SIPA1L3: variants seen among roughly 807,000 people sequenced by gnomAD.
SIPA1L3 encodes signal-induced proliferation-associated 1-like protein 3.
In SIPA1L3, 59 loss-of-function variants were observed where a neutral mutation model predicts 150.1. The observed-to-expected ratio is 0.39, with a 90% CI of 0.32 to 0.49. The LOEUF is 0.49. Ranked by LOEUF, SIPA1L3 falls within the 20% of genes least tolerant of loss-of-function variation. The pLI, the probability that SIPA1L3 is intolerant of heterozygous loss-of-function variation, is 0.86. For missense variants in SIPA1L3, 2,211 were observed against 2,489.5 expected (o/e 0.89, Z 2.38); for synonymous variants, 1,070 against 1,077.6 (o/e 0.99, Z 0.14).
chr19:37,967,906 G>A (rs771921313), intron 1 of SIPA1L3, among the ~76,000 whole-genome samples: 3 of 152,060 alleles, frequency 2.0e-5, no homozygotes, highest in Non-Finnish European at 4.4e-5. Flanking sequence ...CGATCCACCC[G>A]CCTCAGCCTC....
At chr19:38,093,225 C>T (rs1379687338) in intron 4 of SIPA1L3, among the ~76,000 whole-genome samples, 1 of 152,032 alleles carries the variant, frequency 6.6e-6, no homozygotes, top group East Asian at 1.9e-4. Context: ...CTGGAGTAAA[C>T]CTAGAGGAGG....
intron 2 of SIPA1L3, among the ~76,000 whole-genome samples, chr19:38,067,142 G>A (rs1178831712): frequency 6.6e-6 from 1 of 151,692 alleles, no homozygotes; most frequent in Non-Finnish European, 1.5e-5. Flanking sequence ...GGGAGGCTGA[G>A]GCAGGAGGAT....
chr19:37,941,648 G>T (rs148573802), intron 1 of SIPA1L3, among the ~76,000 whole-genome samples: 1 of 152,106 alleles, frequency 6.6e-6, no homozygotes. Flanking sequence ...GGCCTTGCGG[G>T]TGTTTGTCGA....
chr19:38,187,950 C>T (rs769236841), intron 16 of SIPA1L3, among the ~76,000 whole-genome samples: 1 of 149,768 alleles, frequency 6.7e-6, no homozygotes, highest in Admixed American at 6.7e-5. Context: ...GAGCCGAGAT[C>T]GTGCCACTGC....
At chr19:38,015,657 A>G (rs1968214269) in intron 1 of SIPA1L3, among the ~76,000 whole-genome samples, 1 of 148,064 alleles carries the variant, frequency 6.8e-6, no homozygotes, top group Non-Finnish European at 1.5e-5. Context: ...CTGGGAGGTC[A>G]AGGTTGCAGT....
chr19:37,974,545 A>G (rs1204158566), intron 1 of SIPA1L3, among the ~76,000 whole-genome samples: 1 of 151,370 alleles, frequency 6.6e-6, no homozygotes, highest in Non-Finnish European at 1.5e-5. Flanking sequence ...GATTCATGGC[A>G]GAGGTGGGGT....
chr19:38,157,232 G>A (rs575710207), intron 13 of SIPA1L3, among the ~76,000 whole-genome samples: 77 of 152,324 alleles, frequency 5.1e-4, no homozygotes, highest in African/African-American at 1.7e-3. Context: ...AGATGTGGGG[G>A]TTTGCCCAGC....
intron 2 of SIPA1L3, among the ~76,000 whole-genome samples, chr19:38,052,117 A>G (rs1969207901): frequency 6.6e-6 from 1 of 152,192 alleles, no homozygotes; most frequent in Non-Finnish European, 1.5e-5. Context: ...GTGCCTGTAC[A>G]TCGTGGAAGA....
At chr19:38,084,576 A>G (rs1013216480) in intron 3 of SIPA1L3, among the ~76,000 whole-genome samples, 2 of 145,346 alleles carry the variant, frequency 1.4e-5, no homozygotes, top group African/African-American at 5.1e-5. Context: ...AAAAAGACGA[A>G]GTACTAGCAG....
intron 1 of SIPA1L3, among the ~76,000 whole-genome samples, chr19:37,990,799 G>T (rs1027830279): frequency 3.9e-5 from 6 of 152,244 alleles, no homozygotes; most frequent in African/African-American, 1.2e-4. Flanking sequence ...CAGCAGACAC[G>T]CTCAGTGCCA....
At chr19:38,079,156 C>G (rs1241472953) in intron 2 of SIPA1L3, among the ~76,000 whole-genome samples, 1 of 152,198 alleles carries the variant, frequency 6.6e-6, no homozygotes, top group African/African-American at 2.4e-5. Context: ...CACGGTGAAA[C>G]CCTGTCTCTA....
intron 3 of SIPA1L3, among the ~76,000 whole-genome samples, chr19:38,084,702 C>T (rs1333722044): frequency 3.4e-5 from 5 of 146,190 alleles, no homozygotes; most frequent in African/African-American, 1.0e-4. Flanking sequence ...TACAGTGGCG[C>T]GATCTCAGCT....
At chr19:38,156,797 C>T (rs1971959239) in intron 13 of SIPA1L3, among the ~76,000 whole-genome samples, 1 of 152,046 alleles carries the variant, frequency 6.6e-6, no homozygotes, top group African/African-American at 2.4e-5. Context: ...GCACTCCTGC[C>T]TCGGAGACAG....
rs2046478350 is a variant in SIPA1L3, at chr19:37,923,891, C to T, written c.-379+16533C>T. 2.0e-5 allele frequency among the ~76,000 whole-genome samples: 3 copies of T among 152,070 alleles called. No homozygotes were observed. In the South Asian group the frequency reaches 6.2e-4, roughly 32 times the overall value. On this transcript the variant is annotated intron_variant, in intron 1 of 21. Transcript: ENST00000222345. ...TCTTCTGCCTCAGTCTCCCCAGTAG[C>T]TGGGATTACAGACACCTTCCAACTG...
intron 10 of SIPA1L3, chr19:38,131,664 G>C (rs997733405): frequency 6.5e-6 from 1 of 153,104 alleles, no homozygotes; most frequent in Non-Finnish European, 1.4e-5. Flanking sequence ...ATGGAGTCTC[G>C]CTCTGTCGCC....
At chr19:37,974,447 A>C (rs1967025849) in intron 1 of SIPA1L3, among the ~76,000 whole-genome samples, 2 of 151,662 alleles carry the variant, frequency 1.3e-5, no homozygotes, top group African/African-American at 2.4e-5. Flanking sequence ...TGGGAGGTTG[A>C]GGCTGCAACA....
intron 1 of SIPA1L3, among the ~76,000 whole-genome samples, chr19:37,986,258 T>A (rs1038967126): frequency 1.3e-5 from 2 of 152,248 alleles, no homozygotes; most frequent in African/African-American, 4.8e-5. Context: ...ACCTTAGCTT[T>A]CCCATCTGTA....
chr19:37,984,485 G>T (rs184401567), intron 1 of SIPA1L3, among the ~76,000 whole-genome samples: 76 of 152,220 alleles, frequency 5.0e-4, no homozygotes, highest in African/African-American at 1.7e-3. Context: ...AAATCCCCCA[G>T]ATAGATTATT....
chr19:38,078,063 C>A (rs1289104430), intron 2 of SIPA1L3, among the ~76,000 whole-genome samples: 1 of 152,156 alleles, frequency 6.6e-6, no homozygotes, highest in Non-Finnish European at 1.5e-5. Flanking sequence ...TCCATACTCC[C>A]GCAAGCCTTG....
Sources: allele counts gnomAD v4.1 joint callset (sites outside exome capture counted in the v4.1 genomes callset), GRCh38; gene constraint gnomAD v4.1.1; transcripts MANE v1.5; gene names NCBI Gene and HGNC (gene_info 2026-07-23, HGNC 2026-07-21).